PARD3B: variants seen among roughly 807,000 people sequenced by gnomAD.
The protein encoded by PARD3B is par-3 family cell polarity regulator beta.
In PARD3B, 103 loss-of-function variants were observed where a neutral mutation model predicts 130.2. The ratio of observed to expected loss-of-function variants is 0.79; its 90% CI spans 0.67 to 0.93. PARD3B has a LOEUF of 0.93. PARD3B is among the 40% of genes least tolerant of loss of function. The pLI is 0.00. For missense variants in PARD3B, 1,609 were observed against 1,499.2 expected (o/e 1.07, Z -1.21); for synonymous variants, 583 against 553.2 (o/e 1.05, Z -0.76).
At chr2:204,823,707 A>G (rs1385496650) in intron 2 of PARD3B, among the ~76,000 whole-genome samples, 1 of 152,200 alleles carries the variant, frequency 6.6e-6, no homozygotes, top group Non-Finnish European at 1.5e-5. Context: ...TGGAAGGCCA[A>G]GGCGGTTAGA....
intron 4 of PARD3B, among the ~76,000 whole-genome samples, chr2:205,081,345 G>A (rs887305562): frequency 2.0e-5 from 3 of 151,794 alleles, no homozygotes; most frequent in African/African-American, 7.3e-5. Context: ...TTTATACATA[G>A]TTCACTCAGC....
chr2:204,690,872 T>C (rs111720549), intron 2 of PARD3B, among the ~76,000 whole-genome samples: 3 of 152,292 alleles, frequency 2.0e-5, no homozygotes, highest in African/African-American at 7.2e-5. Context: ...AAATGCTTTG[T>C]ACTTCAGATG....
At chr2:204,901,661 G>A (rs1468619542) in intron 2 of PARD3B, among the ~76,000 whole-genome samples, 2 of 151,886 alleles carry the variant, frequency 1.3e-5, no homozygotes, top group Non-Finnish European at 2.9e-5. Context: ...TCAAGCAGAA[G>A]GAGTCTCTTG....
intron 2 of PARD3B, among the ~76,000 whole-genome samples, chr2:204,831,797 T>C (rs1421800748): frequency 6.6e-6 from 1 of 151,844 alleles, no homozygotes; most frequent in Non-Finnish European, 1.5e-5. Flanking sequence ...GTATGAGTTT[T>C]ATGAGAAAAG....
rs1553536414 is a variant in PARD3B at position 205,521,558 on chromosome 2, T to TTTTC, written c.3180+21529_3180+21530insTCTT. On this transcript the variant is annotated intron_variant, in intron 21 of 22. Transcript: ENST00000406610. ...CTATCAAGATGATTATATGATTTTT[T>TTTTC]TTCTTTTTCTATTAATGTGAGAGTT... 3.7e-3 allele frequency among the ~76,000 whole-genome samples: 565 copies of TTTTC among 151,586 alleles called. 3 individuals carry two copies. The highest frequency in any genetic ancestry group is 0.013 in the African/African-American group (522 of 41,372).
rs10694645 is a variant in PARD3B at position 205,156,543 on chromosome 2, TAA to T, written c.1435-2169_1435-2168del. On this transcript the variant is annotated intron_variant, in intron 10 of 22. Coordinates refer to ENST00000406610, the MANE Select transcript of PARD3B (RefSeq NM_001302769.2). ...CAGAAGTATTCACTAGAGGAAAAGATAAAAAAAAAAAGAGAGTCTGACATAGG... is the reference window on the plus strand; with the variant it reads ...CAGAAGTATTCACTAGAGGAAAAGATAAAAAAAAAGAGAGTCTGACATAGG... Among the ~76,000 whole-genome samples, 12 of 147,732 alleles carry T rather than the reference TAA, an allele frequency of 8.1e-5. No homozygotes were observed. In the South Asian group the frequency reaches 2.4e-3, roughly 29 times the overall value.
At chr2:204,733,386 A>G (rs934117534) in intron 2 of PARD3B, among the ~76,000 whole-genome samples, 22 of 152,048 alleles carry the variant, frequency 1.4e-4, no homozygotes, top group Admixed American at 1.4e-3. Context: ...TGAGAGATAC[A>G]GTTTTTATGA....
chr2:204,989,840 G>T (rs1398233889), intron 3 of PARD3B, among the ~76,000 whole-genome samples: 12 of 151,810 alleles, frequency 7.9e-5, no homozygotes, highest in Non-Finnish European at 1.6e-4. Context: ...ATGGATATTT[G>T]CATTATTTCC....
chr2:204,565,735 A>T (rs1322418015), intron 1 of PARD3B, among the ~76,000 whole-genome samples: 3 of 152,194 alleles, frequency 2.0e-5, no homozygotes, highest in Non-Finnish European at 4.4e-5. Context: ...TCTCAAGAAT[A>T]AATATCCAGA....
At chr2:205,186,934 A>G (rs1405489017) in intron 14 of PARD3B, among the ~76,000 whole-genome samples, 1 of 152,158 alleles carries the variant, frequency 6.6e-6, no homozygotes, top group Non-Finnish European at 1.5e-5. Context: ...CATTTGTTCT[A>G]CCTTACTGTT....
chr2:205,124,902 G>T (rs1417916228), intron 9 of PARD3B, among the ~76,000 whole-genome samples: 1 of 152,182 alleles, frequency 6.6e-6, no homozygotes, highest in African/African-American at 2.4e-5. Flanking sequence ...TCTGTGCTAG[G>T]ATAGCAATGA....
intron 21 of PARD3B, 46 bp from the exon 22 acceptor site, chr2:205,553,278 A>G: frequency 6.4e-7 from 1 of 1,550,624 alleles, no homozygotes; most frequent in Non-Finnish European, 8.9e-7. Flanking sequence ...GTCAGTAACC[A>G]AGGTGTATAA....
intron 15 of PARD3B, among the ~76,000 whole-genome samples, chr2:205,206,379 A>G (rs1343415051): frequency 2.4e-5 from 1 of 42,374 alleles, no homozygotes; most frequent in Non-Finnish European, 4.6e-5. Flanking sequence ...CCCCAACCCC[A>G]CAACAGTCCC....
chr2:204,552,819 GT>G (rs2030561597), intron 1 of PARD3B, among the ~76,000 whole-genome samples: 1 of 152,112 alleles, frequency 6.6e-6, no homozygotes, highest in Non-Finnish European at 1.5e-5. Context: ...AAGTATTTGG[GT>G]TTATTTTTGG....
chr2:204,865,236 A>T (rs957549243), intron 2 of PARD3B, among the ~76,000 whole-genome samples: 1 of 152,220 alleles, frequency 6.6e-6, no homozygotes, highest in Non-Finnish European at 1.5e-5. Context: ...CTAAAAGTAG[A>T]TCTACCATTT....
rs1228819235 is a variant in PARD3B at position 205,619,970 on chromosome 2, T to A, written c.*4157T>A. The A allele has an allele frequency of 3.3e-5, 5 of 152,176 alleles. No individual in the cohort carries two copies. The highest frequency in any genetic ancestry group is 1.2e-4 in the African/African-American group (5 of 41,444). The allele number at this position is 152,176 out of a possible 1,614,324, so 9.4% of individuals were successfully genotyped here. Reference sequence around the variant, plus strand: ...TTTCCTGTGCTTTTGTGATTCCAAGTCTGTTCATAAGTTCTGAAGATAAAT... The same window carrying A: ...TTTCCTGTGCTTTTGTGATTCCAAGACTGTTCATAAGTTCTGAAGATAAAT... On this transcript the variant is annotated 3_prime_UTR_variant, in exon 23 of 23. Coordinates refer to ENST00000406610, the MANE Select transcript of PARD3B (RefSeq NM_001302769.2).
At chr2:205,467,997 A>T (rs1332968574) in intron 20 of PARD3B, among the ~76,000 whole-genome samples, 1 of 152,228 alleles carries the variant, frequency 6.6e-6, no homozygotes, top group Non-Finnish European at 1.5e-5. Flanking sequence ...TCCCCACATT[A>T]GGTGCCAGAT....
At chr2:205,320,935 A>G (rs904266057) in intron 18 of PARD3B, among the ~76,000 whole-genome samples, 2 of 152,212 alleles carry the variant, frequency 1.3e-5, no homozygotes. Context: ...ACTAAAGAGA[A>G]GAATACTCTC....
At chr2:205,532,850 A>C (rs746081441) in intron 21 of PARD3B, among the ~76,000 whole-genome samples, 7 of 152,310 alleles carry the variant, frequency 4.6e-5, no homozygotes, top group Middle Eastern at 3.4e-3. Flanking sequence ...CTTCTCTGCG[A>C]ATCATTCCTG....
Sources: allele counts gnomAD v4.1 joint callset (sites outside exome capture counted in the v4.1 genomes callset), GRCh38; gene constraint gnomAD v4.1.1; transcripts MANE v1.5; gene names NCBI Gene and HGNC (gene_info 2026-07-23, HGNC 2026-07-21).